CPOX: variants seen among roughly 807,000 people sequenced by gnomAD.
The protein encoded by CPOX is oxygen-dependent coproporphyrinogen-III oxidase, mitochondrial.
In CPOX, 24 loss-of-function variants were observed where a neutral mutation model predicts 48.9. The observed-to-expected ratio is 0.49, with a 90% CI of 0.36 to 0.69. CPOX has a LOEUF of 0.69. Ranked by LOEUF, CPOX falls within the 30% of genes least tolerant of loss-of-function variation. CPOX has a pLI of 0.00. For missense variants in CPOX, 549 were observed against 597.3 expected, an observed-to-expected ratio of 0.92 and a Z score of 0.84; for synonymous variants, 249 against 234.6, an observed-to-expected ratio of 1.06 and a Z score of -0.56.
chr3:98,593,448 GC>G lies in CPOX; in HGVS notation c.56del (p.Gly19AlafsTer117). ...SSGPCWLVAR[G>X]GCGGPRAWSQ... is the part of the protein sequence containing the mutation. ...ACCAGGCGCGGGGCCCTCCGCAGCC[GC>G]CCCGCGCCACGAGCCAGCAGGGGCC... On this transcript the variant is annotated frameshift_variant, in exon 1 of 7. Coordinates refer to ENST00000647941, the MANE Select transcript of CPOX (RefSeq NM_000097.7). LOFTEE classifies it high-confidence loss of function. 2 of 1,488,718 alleles carry G rather than the reference GC, an allele frequency of 1.3e-6. No individual in the cohort carries two copies. The highest frequency in any genetic ancestry group is 2.8e-5 in the East Asian group (1 of 35,482). 92.2% of individuals were successfully genotyped at this position (1,488,718 alleles called of 1,614,324 possible).
downstream of CPOX, among the ~76,000 whole-genome samples, chr3:98,576,072 CAAAAAAAAAAA>C (rs56988806): frequency 7.0e-5 from 5 of 71,404 alleles, no homozygotes; most frequent in African/African-American, 2.1e-4. Flanking sequence ...AACTCTGCCT[CAAAAAAAAAAA>C]AAAAAAAAAA....
At chr3:98,587,910 G>A (rs922805688) in intron 4 of CPOX, among the ~76,000 whole-genome samples, 1 of 151,972 alleles carries the variant, frequency 6.6e-6, no homozygotes, top group Non-Finnish European at 1.5e-5. Flanking sequence ...TGAGAGAGAG[G>A]AAAAAACAAA....
At chr3:98,579,051 T>C (rs1003214460), downstream of CPOX, among the ~76,000 whole-genome samples, 2 of 152,226 alleles carry the variant, frequency 1.3e-5, no homozygotes, top group Non-Finnish European at 1.5e-5. Flanking sequence ...AGACCTACTC[T>C]TCCTCTTACT....
Position 98,590,711 on chromosome 3 carries a change from G to A in CPOX, c.732C>T (p.Ser244=), listed in dbSNP as rs373142897. The A allele has an allele frequency of 2.2e-5, 36 of 1,613,824 alleles. No homozygotes were observed. Among genetic ancestry groups the A allele is most frequent in the Non-Finnish European group, 2.8e-5 (33 of 1,179,862 alleles). ...GAGGATTCTTGGGGTGGATAACAGA[G>A]CTCACGCCCATAGCACAAAATGGCA... The part of the protein sequence containing the change: ...GKLPFCAMGV[S]SVIHPKNPHA... The change falls in exon 3 of 7, where the codon AGC becomes AGT. Residue 244 remains serine, a synonymous_variant. Transcript: ENST00000647941.
downstream of CPOX, among the ~76,000 whole-genome samples, chr3:98,574,623 G>A (rs1284880523): frequency 6.6e-6 from 1 of 152,102 alleles, no homozygotes; most frequent in Non-Finnish European, 1.5e-5. Flanking sequence ...GCGCCGTCGC[G>A]CAGGCTGGAG....
In CPOX at chr3:98,593,255, C is replaced by T; in HGVS notation, c.250G>A (p.Gly84Arg). The change falls in exon 1 of 7, where the codon GGG becomes AGG. Residue 84 changes from glycine to arginine, a missense_variant. Around this residue, in one of 2 missense-constraint regions of CPOX, gnomAD observed 336 missense variants for 318.1 expected, o/e 1.06. Coordinates refer to ENST00000647941, the MANE Select transcript of CPOX (RefSeq NM_000097.7). ...VGTGLAAALA[G>R]LVGLATAAFG... ...GCGGCGGTGGCCAGCCCCACCAACC[C>T]CGCCAGCGCCGCGGCCAGCCCTGTC... The T allele has an allele frequency of 6.6e-7, 1 of 1,517,896 alleles. No individual in the cohort carries two copies. Among genetic ancestry groups the T allele is most frequent in the Non-Finnish European group, 8.8e-7 (1 of 1,137,980 alleles). The allele number at this position is 1,517,896 out of a possible 1,614,324, so 94.0% of individuals were successfully genotyped here. A position where few individuals can be genotyped will look rare whatever the true frequency, so the allele number is the denominator to read the frequency against.
chr3:98,587,005 T>G (rs1707377421), intron 4 of CPOX, among the ~76,000 whole-genome samples: 1 of 152,198 alleles, frequency 6.6e-6, no homozygotes, highest in South Asian at 2.1e-4. Context: ...ACTGTTAAAC[T>G]TGTAAAATAG....
chr3:98,590,534 AG>A (rs1379482594), intron 3 of CPOX, 97 bp downstream of exon 3: 1 of 873,776 alleles, frequency 1.1e-6, no homozygotes, highest in Non-Finnish European at 1.9e-6. Context: ...GACCTAATTA[AG>A]ACTATTCTTT....
At position 98,589,037 on chromosome 3, in the gene CPOX, C is replaced by T. The variant is rs941191096; in HGVS notation, c.812-183G>A. Among the ~76,000 whole-genome samples the T allele has an allele frequency of 6.6e-5, 10 of 152,114 alleles. No individual in the cohort carries two copies. In the South Asian group the frequency reaches 1.7e-3, roughly 25 times the overall value. On this transcript the variant is annotated intron_variant, in intron 3 of 6. Coordinates refer to ENST00000647941, the MANE Select transcript of CPOX (RefSeq NM_000097.7). ...CTAGGCAGAAAAAAAGAGGTAAAAG[C>T]GGCCAGGCGAGGTGGCTCATGCCTG...
intron 4 of CPOX, 99 bp from the exon 5 acceptor site, chr3:98,585,758 T>C (rs1707350343): frequency 1.2e-5 from 11 of 917,528 alleles, no homozygotes; most frequent in Non-Finnish European, 2.0e-5. Flanking sequence ...CCTCAACTAA[T>C]GTCAGGATGG....
rs770754663 is a variant in CPOX, at chr3:98,593,248, A to G, written c.257T>C (p.Val86Ala). ...TGLAAALAGL[V>A]GLATAAFGHV... ...CCCGAAGGCGGCGGTGGCCAGCCCCACCAACCCCGCCAGCGCCGCGGCCAG... is the reference window on the plus strand; with the variant it reads ...CCCGAAGGCGGCGGTGGCCAGCCCCGCCAACCCCGCCAGCGCCGCGGCCAG... Residue 86 changes from valine (V) to alanine (A), a missense_variant, in exon 1 of 7, where the codon GTG becomes GCG. By Grantham distance (64) the Val-to-Ala change is moderately conservative. Around this residue, in one of 2 missense-constraint regions of CPOX, gnomAD observed 336 missense variants for 318.1 expected, o/e 1.06. Coordinates refer to ENST00000647941, the MANE Select transcript of CPOX (RefSeq NM_000097.7). 277 of 1,525,544 alleles carry G rather than the reference A, an allele frequency of 1.8e-4. No individual in the cohort carries two copies. Among genetic ancestry groups the G allele is most frequent in the Non-Finnish European group, 2.1e-4 (239 of 1,140,390 alleles). The allele number at this position is 1,525,544 out of a possible 1,614,324, so 94.5% of individuals were successfully genotyped here. A position where few individuals can be genotyped will look rare whatever the true frequency, so the allele number is the denominator to read the frequency against.
At chr3:98,591,992 GATATAT>G (rs10535616) in intron 1 of CPOX, among the ~76,000 whole-genome samples, 2,342 of 147,990 alleles carry the variant, frequency 0.016, 65 homozygotes, top group African/African-American at 0.053. Context: ...TATGTATATG[GATATAT>G]ATATATATAT....
At position 98,593,489 on chromosome 3, in the gene CPOX, C is replaced by G. The variant is rs1021619815; in HGVS notation, c.16G>C (p.Gly6Arg). ...CAGCAGGGGCCCGAGCTCAGCCTGC[C>G]CAGCTGCAAGGCCATGTTCCCGCAC... MALQL[G>R]RLSSGPCWLV... Residue 6 changes from glycine (G) to arginine (R), a missense_variant, in exon 1 of 7, where the codon GGC (glycine) becomes CGC (arginine). Transcript: ENST00000647941. 1.1e-5 allele frequency: 17 copies of G among 1,519,714 alleles called. No homozygotes were observed. The highest frequency in any genetic ancestry group is 1.5e-5 in the Non-Finnish European group (17 of 1,140,378). 94.1% of individuals were successfully genotyped at this position (1,519,714 alleles called of 1,614,324 possible). A position where few individuals can be genotyped will look rare whatever the true frequency, so the allele number is the denominator to read the frequency against.
chr3:98,581,351 G>C (rs1311641630), intron 6 of CPOX, 56 bp downstream of exon 6: 2 of 1,212,962 alleles, frequency 1.6e-6, no homozygotes, highest in South Asian at 1.2e-5. Flanking sequence ...CATATTTTGT[G>C]GGTGTTTGGG....
chr3:98,584,349 G>A (rs894161819), intron 5 of CPOX, among the ~76,000 whole-genome samples: 1 of 151,820 alleles, frequency 6.6e-6, no homozygotes, highest in South Asian at 2.1e-4. Context: ...AGGAAAGAGT[G>A]GTAAAGGTAT....
At chr3:98,580,886 T>G in intron 6 of CPOX, 116 bp from the exon 7 acceptor site, 2 of 1,232,904 alleles carry the variant, frequency 1.6e-6, no homozygotes, top group Admixed American at 2.5e-5. Context: ...AGCCTTATAC[T>G]TCTTTGTCTC....
At chr3:98,587,332 AT>A (rs1413714888) in intron 4 of CPOX, among the ~76,000 whole-genome samples, 1 of 152,124 alleles carries the variant, frequency 6.6e-6, no homozygotes, top group African/African-American at 2.4e-5. Context: ...TCTTTAAAAC[AT>A]TACAAAATTA....
downstream of CPOX, among the ~76,000 whole-genome samples, chr3:98,577,382 C>A: frequency 6.6e-6 from 1 of 152,020 alleles, no homozygotes; most frequent in African/African-American, 2.4e-5. Flanking sequence ...TCAGAGTGCC[C>A]AGAGGCAGGG....
intron 6 of CPOX, 35 bp downstream of exon 6, chr3:98,581,372 G>A: frequency 2.1e-6 from 3 of 1,428,448 alleles, no homozygotes; most frequent in Admixed American, 3.3e-5. Flanking sequence ...AATTGGGAGT[G>A]TAGGGATAAC....
Sources: gnomAD v4.1 joint callset for allele counts (sites outside exome capture counted in the v4.1 genomes callset) on GRCh38, gnomAD v4.1.1 for gene constraint, gnomAD v4.1.1 regional missense constraint, MANE v1.5 for transcripts, NCBI Gene and HGNC (gene_info 2026-07-23, HGNC 2026-07-21) for gene names.